Variants in RAPGEF2 observed in about 807,000 individuals in gnomAD.
RAPGEF2 encodes Rap guanine nucleotide exchange factor 2.
RAPGEF2 carries 54 observed loss-of-function variants against 186.7 expected under a neutral mutation model. That is an observed-to-expected ratio of 0.29 (90% CI 0.23 to 0.36). The LOEUF (loss-of-function observed/expected upper bound fraction) is 0.36. Ranked by LOEUF, RAPGEF2 falls within the 10% of genes least tolerant of loss-of-function variation. The pLI is 1.00. For synonymous variants in RAPGEF2, 712 were observed against 705.9 expected, an observed-to-expected ratio of 1.01 and a Z score of -0.14; for missense variants, 1,532 against 2,045.0, an observed-to-expected ratio of 0.75 and a Z score of 4.84.
At chr4:159,300,853 G>T (rs1249969583) in intron 7 of RAPGEF2, among the ~76,000 whole-genome samples, 2 of 152,154 alleles carry the variant, frequency 1.3e-5, no homozygotes, top group Non-Finnish European at 2.9e-5. Flanking sequence ...ATGGCCTTGG[G>T]TTTAAATGTG....
intron 7 of RAPGEF2, among the ~76,000 whole-genome samples, chr4:159,260,997 G>A (rs1285675833): frequency 3.9e-5 from 6 of 152,024 alleles, no homozygotes; most frequent in Middle Eastern, 3.2e-3. Context: ...TGATTCTTCC[G>A]CCTCGCCTTG....
chr4:159,353,720 A>G lies in RAPGEF2; in HGVS notation c.4325A>G (p.Tyr1442Cys). The change falls in exon 28 of 30, where the codon TAT (tyrosine) becomes TGT (cysteine). Residue 1442 changes from tyrosine (Y) to cysteine (C), a missense_variant. Tyr to Cys is a radical substitution (Grantham distance 194). Around this residue, in one of 4 missense-constraint regions of RAPGEF2, gnomAD observed 594 missense variants for 608.5 expected, o/e 0.98. Transcript: ENST00000691494. The surrounding 1 kb of genome is among the most constrained non-coding windows in gnomAD (Gnocchi z 4.3). ...TLPFGHTHFD[Y>C]SGDPAGLWAS... ...CCATTCGGGCATACTCACTTTGATTATTCAGGGGATCCTGCAGGTTTATGG... is the reference window on the plus strand; with the variant it reads ...CCATTCGGGCATACTCACTTTGATTGTTCAGGGGATCCTGCAGGTTTATGG... The G allele has an allele frequency of 6.2e-7, 1 of 1,607,718 alleles. No homozygotes were observed. Among genetic ancestry groups the G allele is most frequent in the Non-Finnish European group, 8.5e-7 (1 of 1,177,086 alleles).
chr4:159,285,374 A>G (rs1760319127), intron 7 of RAPGEF2, among the ~76,000 whole-genome samples: 2 of 152,234 alleles, frequency 1.3e-5, no homozygotes, highest in South Asian at 4.1e-4. Flanking sequence ...TATGAATTAC[A>G]GTCTAAAGGG....
intron 13 of RAPGEF2, 137 bp downstream of exon 13, chr4:159,330,635 A>C (rs890419096): frequency 1.2e-4 from 73 of 610,010 alleles, no homozygotes; most frequent in Middle Eastern, 8.3e-4. Context: ...GCAAAAAAAA[A>C]CAAAAAAACA....
chr4:159,136,226 C>T (rs1014316453), intron 1 of RAPGEF2, among the ~76,000 whole-genome samples: 10 of 152,126 alleles, frequency 6.6e-5, no homozygotes, highest in Non-Finnish European at 1.3e-4. Context: ...CTTTATTAAA[C>T]GCCACTTTTT....
intron 7 of RAPGEF2, among the ~76,000 whole-genome samples, chr4:159,252,868 G>A (rs1755633241): frequency 6.6e-6 from 1 of 152,078 alleles, no homozygotes; most frequent in African/African-American, 2.4e-5. Context: ...ATTAAAAATT[G>A]AAACAAAAAG....
intron 1 of RAPGEF2, among the ~76,000 whole-genome samples, chr4:159,159,917 C>G (rs563173142): frequency 6.6e-6 from 1 of 152,234 alleles, no homozygotes; most frequent in African/African-American, 2.4e-5. Context: ...TGTGATTGAG[C>G]CAATTATAAC....
chr4:159,218,526 C>T (rs1188045490), intron 4 of RAPGEF2, among the ~76,000 whole-genome samples: 1 of 152,130 alleles, frequency 6.6e-6, no homozygotes, highest in African/African-American at 2.4e-5. Context: ...GAGGCTGAGG[C>T]AGGCAGATCA....
intron 1 of RAPGEF2, among the ~76,000 whole-genome samples, chr4:159,149,108 A>G (rs1330795245): frequency 6.6e-6 from 1 of 152,210 alleles, no homozygotes; most frequent in African/African-American, 2.4e-5. Context: ...CTGTCATGAA[A>G]CACATTCTGG....
At position 159,353,846 on chromosome 4, in the gene RAPGEF2, G is replaced by T. The variant is rs764931513; in HGVS notation, c.4451G>T (p.Arg1484Leu). ...GAGAGCCTTGAACAAGCCCAGTCCC[G>T]AGCAAGCTGGGCGTCTTCCACAGGT... ...SRESLEQAQS[R>L]ASWASSTGYW... The change falls in exon 28 of 30, where the codon CGA becomes CTA. Residue 1484 changes from arginine to leucine, a missense_variant. Physicochemically the swap from Arg to Leu is moderately radical, Grantham distance 102. Around this residue, in one of 4 missense-constraint regions of RAPGEF2, gnomAD observed 594 missense variants for 608.5 expected, o/e 0.98. Coordinates refer to ENST00000691494, the MANE Select transcript of RAPGEF2 (RefSeq NM_001394067.2). This position sits in a 1 kb window ranked among gnomAD's most constrained non-coding sequence, Gnocchi z 4.3. 2 of 1,614,182 alleles carry T rather than the reference G, an allele frequency of 1.2e-6. No individual in the cohort carries two copies. Among genetic ancestry groups the T allele is most frequent in the South Asian group, 2.2e-5 (2 of 91,078 alleles).
At chr4:159,251,138 T>C (rs1755316281) in intron 7 of RAPGEF2, among the ~76,000 whole-genome samples, 1 of 152,306 alleles carries the variant, frequency 6.6e-6, no homozygotes, top group East Asian at 1.9e-4. Context: ...CGCCCTGCAC[T>C]TGAATTCTCG....
At chr4:159,291,720 G>C (rs1761240770) in intron 7 of RAPGEF2, among the ~76,000 whole-genome samples, 1 of 151,944 alleles carries the variant, frequency 6.6e-6, no homozygotes, top group Admixed American at 6.6e-5. Flanking sequence ...ACTTAGAATA[G>C]ATGGAGTTTC....
At chr4:159,143,972 A>G (rs751467195) in intron 1 of RAPGEF2, among the ~76,000 whole-genome samples, 1 of 152,162 alleles carries the variant, frequency 6.6e-6, no homozygotes, top group Non-Finnish European at 1.5e-5. Flanking sequence ...CCAGGTGCCC[A>G]CTGGTCTTTT....
chr4:159,180,005 T>G (rs1186041464), intron 1 of RAPGEF2, among the ~76,000 whole-genome samples: 1 of 152,152 alleles, frequency 6.6e-6, no homozygotes, highest in Non-Finnish European at 1.5e-5. Flanking sequence ...ATATGGGGCT[T>G]GGGTAATGTG....
At chr4:159,257,590 C>A (rs1217200443) in intron 7 of RAPGEF2, among the ~76,000 whole-genome samples, 1 of 152,296 alleles carries the variant, frequency 6.6e-6, no homozygotes. Flanking sequence ...TTTAATCTAT[C>A]TTGAGTTAAT....
chr4:159,214,989 A>G (rs534502971), intron 4 of RAPGEF2, among the ~76,000 whole-genome samples: 52 of 152,106 alleles, frequency 3.4e-4, no homozygotes, highest in Non-Finnish European at 7.4e-4. Context: ...CGGCCTCCCA[A>G]GTAGTTGGTA....
chr4:159,338,239 GTGTT>G, intron 17 of RAPGEF2, 68 bp from the exon 18 acceptor site: 1 of 1,355,760 alleles, frequency 7.4e-7, no homozygotes. Context: ...TTTTTGGTCT[GTGTT>G]TATTATATAG....
chr4:159,147,483 A>G (rs1161089716), intron 1 of RAPGEF2, among the ~76,000 whole-genome samples: 5 of 152,216 alleles, frequency 3.3e-5, no homozygotes, highest in Admixed American at 2.6e-4. Context: ...AGGTCATACA[A>G]TATCAAGTGG....
chr4:159,307,734 G>T (rs1763473291), intron 8 of RAPGEF2, among the ~76,000 whole-genome samples: 2 of 152,134 alleles, frequency 1.3e-5, no homozygotes, highest in Non-Finnish European at 2.9e-5. Context: ...CATTTTGGGG[G>T]GCCAAGGCAG....
Sources: gnomAD v4.1 joint callset for allele counts (sites outside exome capture counted in the v4.1 genomes callset) on GRCh38, gnomAD v4.1.1 for gene constraint, gnomAD v4.1.1 regional missense constraint, Gnocchi (gnomAD v3.1) non-coding constraint, MANE v1.5 for transcripts, NCBI Gene and HGNC (gene_info 2026-07-23, HGNC 2026-07-21) for gene names.